RARB: variants seen among roughly 807,000 people sequenced by gnomAD.
RARB encodes the protein HBV-activated protein.
A neutral mutation model predicts 51.9 loss-of-function variants in RARB; 17 were observed. The observed-to-expected ratio is 0.33, with a 90% CI of 0.22 to 0.49. RARB has a LOEUF of 0.49. Among genes scored for constraint, RARB ranks in the 20% least tolerant of loss-of-function variants. RARB has a pLI of 0.99. For synonymous variants in RARB, 215 were observed against 195.4 expected (o/e 1.10, Z -0.84); for missense variants, 369 against 550.8 (o/e 0.67, Z 3.30).
chr3:24,922,467 G>GC (rs1348885810), intron 2 of RARB, among the ~76,000 whole-genome samples: 16 of 152,144 alleles, frequency 1.1e-4, no homozygotes, highest in Admixed American at 8.5e-4. Context: ...GCAGTCGTAG[G>GC]CCGTAGGTAT....
chr3:25,452,855 G>A (rs2125544017), intron 1 of RARB, among the ~76,000 whole-genome samples: 1 of 152,250 alleles, frequency 6.6e-6, no homozygotes, highest in Middle Eastern at 3.4e-3. Context: ...AACACAGTAG[G>A]CGCTCAGTAA....
rs141322145 is a variant in RARB, at chr3:25,077,374, A to G, written c.-328+17198A>G. Among the ~76,000 whole-genome samples, 10 of 152,208 alleles carry G rather than the reference A, an allele frequency of 6.6e-5. No individual in the cohort carries two copies. The East Asian group carries it at 1.9e-3, about 29-fold the overall frequency. On this transcript the variant is annotated intron_variant, in intron 3 of 11. Transcript: ENST00000383772. ...TGTTCTTCCTCCGTTCTCCTCCCCTACAGACTGTGAGTCAACCAGTGTTCT... is the reference window on the plus strand; with the variant it reads ...TGTTCTTCCTCCGTTCTCCTCCCCTGCAGACTGTGAGTCAACCAGTGTTCT...
chr3:25,380,806 C>G (rs1706602724), intron 5 of RARB, among the ~76,000 whole-genome samples: 1 of 152,126 alleles, frequency 6.6e-6, no homozygotes, highest in African/African-American at 2.4e-5. Context: ...TTCTCATGTC[C>G]TCTATTCACT....
chr3:24,874,397 A>T lies in RARB; in HGVS notation c.-380+15645A>T, dbSNP rs182372412. On this transcript the variant is annotated intron_variant, in intron 2 of 11. Coordinates refer to the RARB transcript ENST00000383772. ...ATCTGCTGATTTATTGATTACTAAG[A>T]TTTGTTAGAATCTTCCAGGATGATG... Among the ~76,000 whole-genome samples, 5 of 152,140 alleles carry T rather than the reference A, an allele frequency of 3.3e-5. No homozygotes were observed. In the East Asian group the frequency reaches 9.7e-4, roughly 29 times the overall value.
At chr3:25,580,522 G>T in intron 4 of RARB, 24 bp from the exon 5 acceptor site, 1 of 1,540,036 alleles carries the variant, frequency 6.5e-7, no homozygotes, top group South Asian at 1.2e-5. Flanking sequence ...AACTGTATCT[G>T]ATGACATTTT....
At chr3:25,556,770 G>A (rs1700076730) in intron 3 of RARB, among the ~76,000 whole-genome samples, 1 of 152,196 alleles carries the variant, frequency 6.6e-6, no homozygotes, top group African/African-American at 2.4e-5. Flanking sequence ...GATGACAGCA[G>A]TGATGTTGCC....
At chr3:25,256,184 C>G (rs1487555635) in intron 5 of RARB, among the ~76,000 whole-genome samples, 1 of 152,140 alleles carries the variant, frequency 6.6e-6, no homozygotes, top group Non-Finnish European at 1.5e-5. Context: ...CTATTGTATA[C>G]TCGTCATTGC....
rs1339479555 is a variant in RARB at position 24,906,867 on chromosome 3, CA to C, written c.-380+48122del. Among the ~76,000 whole-genome samples, 7 of 116,408 alleles carry C rather than the reference CA, an allele frequency of 6.0e-5. No individual in the cohort carries two copies. In the East Asian group the frequency reaches 9.8e-4, roughly 16 times the overall value. The allele number at this position is 116,408 out of a possible 152,430, so 76.4% of individuals were successfully genotyped here. ...CTCAAAAAAAAAAAAAAAAAAAAAGCAAAAAAACCCCCCACTAATCATATGA... is the reference window on the plus strand; with the variant it reads ...CTCAAAAAAAAAAAAAAAAAAAAAGCAAAAAACCCCCCACTAATCATATGA... On this transcript the variant is annotated intron_variant, in intron 2 of 11. Coordinates refer to the RARB transcript ENST00000383772.
intron 2 of RARB, among the ~76,000 whole-genome samples, chr3:24,997,355 G>A (rs549523790): frequency 6.6e-6 from 1 of 151,454 alleles, no homozygotes; most frequent in Non-Finnish European, 1.5e-5. Flanking sequence ...TGTCTTTACA[G>A]GTGATGTTGG....
chr3:25,349,056 A>C (rs796371357), intron 5 of RARB, among the ~76,000 whole-genome samples: 1 of 152,254 alleles, frequency 6.6e-6, no homozygotes, highest in African/African-American at 2.4e-5. Flanking sequence ...TTTACATTCC[A>C]GTTTATATTA....
intron 2 of RARB, among the ~76,000 whole-genome samples, chr3:24,909,641 C>A (rs1694946395): frequency 6.6e-6 from 1 of 151,738 alleles, no homozygotes; most frequent in African/African-American, 2.4e-5. Context: ...CTATCTCTAC[C>A]TTTCTTTGCA....
At chr3:25,139,028 G>A (rs934928134) in intron 4 of RARB, among the ~76,000 whole-genome samples, 5 of 151,990 alleles carry the variant, frequency 3.3e-5, no homozygotes, top group Admixed American at 3.3e-4. Context: ...TTGTTTGAGG[G>A]CACAAAGAAC....
chr3:25,379,338 C>T (rs1420488298), intron 5 of RARB, among the ~76,000 whole-genome samples: 1 of 152,048 alleles, frequency 6.6e-6, no homozygotes, highest in Non-Finnish European at 1.5e-5. Context: ...ATTTCTTGAA[C>T]ATGGAAACAA....
At chr3:25,151,480 G>A (rs558285972) in intron 4 of RARB, among the ~76,000 whole-genome samples, 1 of 152,144 alleles carries the variant, frequency 6.6e-6, no homozygotes, top group Admixed American at 6.5e-5. Flanking sequence ...TCCTTTAAGA[G>A]CGTCATTTCT....
At chr3:25,053,832 T>G (rs1450233094) in intron 2 of RARB, among the ~76,000 whole-genome samples, 1 of 152,180 alleles carries the variant, frequency 6.6e-6, no homozygotes, top group African/African-American at 2.4e-5. Context: ...TCATCTCTCT[T>G]CCTTGCTGAC....
chr3:24,965,406 A>G (rs954148689), intron 2 of RARB, among the ~76,000 whole-genome samples: 2 of 152,184 alleles, frequency 1.3e-5, no homozygotes, highest in Non-Finnish European at 2.9e-5. Flanking sequence ...TCTATGGAAA[A>G]AGTAGGTAGG....
intron 2 of RARB, among the ~76,000 whole-genome samples, chr3:25,021,323 G>A (rs1295625259): frequency 6.6e-6 from 1 of 152,174 alleles, no homozygotes. Flanking sequence ...GGTATTACCT[G>A]AGAAAGTAGA....
At chr3:25,209,063 C>T (rs148506234) in intron 5 of RARB, among the ~76,000 whole-genome samples, 11 of 152,334 alleles carry the variant, frequency 7.2e-5, no homozygotes, top group East Asian at 3.9e-4. Context: ...AGGCTGAAGA[C>T]GTGTCACCTA....
At chr3:25,428,078 T>C (rs1033499199), upstream of RARB, among the ~76,000 whole-genome samples, 1 of 152,196 alleles carries the variant, frequency 6.6e-6, no homozygotes, top group Non-Finnish European at 1.5e-5. Context: ...AACGCCGGCT[T>C]GTGCGCTCGC....
Sources: allele counts gnomAD v4.1 joint callset (sites outside exome capture counted in the v4.1 genomes callset), GRCh38; gene constraint gnomAD v4.1.1; transcripts MANE v1.5; gene names NCBI Gene and HGNC (gene_info 2026-07-23, HGNC 2026-07-21).